The following GARIN1B variants were observed in gnomAD, a reference collection of about 807,000 sequenced individuals.
GARIN1B encodes the protein Golgi-associated RAB2 interactor protein 1B.
the GARIN1B span, chr7:128,713,792 CAG>C: frequency 4.7e-6 from 2 of 421,836 alleles, no homozygotes; most frequent in Non-Finnish European, 8.8e-6. Flanking sequence ...TTGGATGTCT[CAG>C]TGGCCAAGTA....
chr7:128,711,486 A>T, the GARIN1B span, among the ~76,000 whole-genome samples: 1 of 152,286 alleles, frequency 6.6e-6, no homozygotes, highest in East Asian at 1.9e-4. Flanking sequence ...TGACTTGGAT[A>T]AGCCAGCTGT....
chr7:128,728,009 A>C, the GARIN1B span, among the ~76,000 whole-genome samples: 2 of 152,246 alleles, frequency 1.3e-5, no homozygotes, highest in Admixed American at 6.5e-5. Context: ...CTAATAAATT[A>C]TTCCTTCACG....
the GARIN1B span, among the ~76,000 whole-genome samples, chr7:128,727,285 G>A: frequency 6.6e-6 from 1 of 152,200 alleles, no homozygotes; most frequent in African/African-American, 2.4e-5. Flanking sequence ...ATTTGGTGGT[G>A]TCAGATGGGA....
chr7:128,715,717 C>A, the GARIN1B span: 1 of 1,562,554 alleles, frequency 6.4e-7, no homozygotes, highest in Non-Finnish European at 8.8e-7. Flanking sequence ...CAGAATAGCA[C>A]TCTTTGATTC....
chr7:128,722,372 A>G, the GARIN1B span, among the ~76,000 whole-genome samples: 117,706 of 152,070 alleles, frequency 0.77, 45,805 homozygotes, highest in East Asian at 0.93. Context: ...TAAATACGGA[A>G]TGAATGAGTG....
At chr7:128,723,233 G>A in the GARIN1B span, 351,530 of 1,611,952 alleles carry the variant, frequency 0.22, 40,350 homozygotes, top group South Asian at 0.29. Flanking sequence ...CCAGCCCAGC[G>A]AGAGTCTCAT....
chr7:128,727,045 C>T, the GARIN1B span, among the ~76,000 whole-genome samples: 1 of 152,202 alleles, frequency 6.6e-6, no homozygotes, highest in Non-Finnish European at 1.5e-5. Flanking sequence ...CAAGTTGGCA[C>T]CAAGTCCTAA....
the GARIN1B span, among the ~76,000 whole-genome samples, chr7:128,710,367 G>C: frequency 1.3e-5 from 2 of 152,164 alleles, no homozygotes; most frequent in East Asian, 3.9e-4. Context: ...ACTTTTTTTG[G>C]TTTGTTTCAG....
At chr7:128,716,099 G>C in the GARIN1B span, among the ~76,000 whole-genome samples, 1 of 152,204 alleles carries the variant, frequency 6.6e-6, no homozygotes, top group African/African-American at 2.4e-5. Context: ...CCAGTCCTCT[G>C]CCTTCTCCTT....
At chr7:128,723,055 G>C in the GARIN1B span, 1 of 995,068 alleles carries the variant, frequency 1.0e-6, no homozygotes, top group Admixed American at 2.5e-5. Flanking sequence ...TATGGCCTCA[G>C]AATTGCCTCT....
chr7:128,714,283 G>A, the GARIN1B span, among the ~76,000 whole-genome samples: 1 of 152,106 alleles, frequency 6.6e-6, no homozygotes, highest in African/African-American at 2.4e-5. Flanking sequence ...TATGTAATAA[G>A]TTCAGAATTT....
At chr7:128,716,695 C>T in the GARIN1B span, 3 of 819,248 alleles carry the variant, frequency 3.7e-6, no homozygotes, top group Admixed American at 2.8e-5. Flanking sequence ...AGTATCCTAC[C>T]CTCAACAAAG....
the GARIN1B span, chr7:128,723,104 G>A: frequency 7.2e-7 from 1 of 1,396,398 alleles, no homozygotes; most frequent in East Asian, 2.5e-5. Context: ...AAAATTTTGA[G>A]TTCCAACACT....
At chr7:128,723,024 C>T in the GARIN1B span, among the ~76,000 whole-genome samples, 5 of 152,144 alleles carry the variant, frequency 3.3e-5, no homozygotes, top group African/African-American at 9.6e-5. Context: ...TTTACCAATA[C>T]GAGGAGTGTA....
the GARIN1B span, chr7:128,726,769 T>G: frequency 6.3e-7 from 1 of 1,587,746 alleles, no homozygotes; most frequent in East Asian, 2.2e-5. Flanking sequence ...GAAATACAAA[T>G]TTAATGTTCT....
chr7:128,715,517 A>ACCTTC, the GARIN1B span: 2 of 1,614,086 alleles, frequency 1.2e-6, no homozygotes, highest in Non-Finnish European at 1.7e-6. Flanking sequence ...ATCCTATCCA[A>ACCTTC]CCTTCCCTTC....
the GARIN1B span, among the ~76,000 whole-genome samples, chr7:128,709,750 CTTTT>C: frequency 5.2e-5 from 6 of 114,616 alleles, no homozygotes; most frequent in South Asian, 2.8e-4. Flanking sequence ...CTCTCTCTCT[CTTTT>C]TTTTTTTTTT....
At chr7:128,720,030 T>C in the GARIN1B span, among the ~76,000 whole-genome samples, 7 of 152,084 alleles carry the variant, frequency 4.6e-5, no homozygotes, top group African/African-American at 7.2e-5. Flanking sequence ...TTTTTTCTTC[T>C]TATTGCATTG....
At chr7:128,710,257 CA>C in the GARIN1B span, among the ~76,000 whole-genome samples, 1 of 152,174 alleles carries the variant, frequency 6.6e-6, no homozygotes, top group Non-Finnish European at 1.5e-5. Flanking sequence ...TTAGCTAGTG[CA>C]TTCTTTATGC....
Sources: allele counts gnomAD v4.1 joint callset (sites outside exome capture counted in the v4.1 genomes callset), GRCh38; gene constraint gnomAD v4.1.1; transcripts MANE v1.5; gene names NCBI Gene and HGNC (gene_info 2026-07-23, HGNC 2026-07-21).